The following ADAMTS12 variants were observed in gnomAD, a reference collection of about 807,000 sequenced individuals.
ADAMTS12 encodes the protein ADAM metallopeptidase with thrombospondin type 1 motif 12, also known as A disintegrin and metalloproteinase with thrombospondin motifs 12.
A neutral mutation model predicts 167.8 loss-of-function variants in ADAMTS12; 118 were observed. The observed-to-expected ratio is 0.70, with a 90% CI of 0.61 to 0.82. The LOEUF is 0.82. Among genes scored for constraint, ADAMTS12 ranks in the 40% least tolerant of loss-of-function variants. The pLI is 0.00. For missense variants in ADAMTS12, 1,916 were observed against 1,998.8 expected, an observed-to-expected ratio of 0.96 and a Z score of 0.79; for synonymous variants, 704 against 716.9, an observed-to-expected ratio of 0.98 and a Z score of 0.29.
chr5:33,731,612 G>A (rs1561240661), intron 3 of ADAMTS12, among the ~76,000 whole-genome samples: 1 of 152,200 alleles, frequency 6.6e-6, no homozygotes, highest in Non-Finnish European at 1.5e-5. Flanking sequence ...ATCAGGAAAG[G>A]CAGAAAGGAG....
chr5:33,556,033 G>GC (rs1745476083), intron 20 of ADAMTS12, among the ~76,000 whole-genome samples: 1 of 152,240 alleles, frequency 6.6e-6, no homozygotes, highest in Non-Finnish European at 1.5e-5. Context: ...CCAATAGCCA[G>GC]CCCTAACTTT....
At position 33,751,507 on chromosome 5, in the gene ADAMTS12, T is replaced by C; in HGVS notation, c.531A>G (p.Glu177=). The C allele has an allele frequency of 6.2e-7, 1 of 1,614,008 alleles. No homozygotes were observed. Among genetic ancestry groups the C allele is most frequent in the Non-Finnish European group, 8.5e-7 (1 of 1,179,988 alleles). ...FQLPHGDFFI[E]PVKKHPLVEG... is the part of the protein sequence containing the mutation. ...CAACCAGTGGATGCTTCTTCACGGG[T>C]TCAATGAAAAAGTCTCCATGTGGTA... The change falls in exon 3 of 24, where the codon GAA becomes GAG. Residue 177 remains glutamate (E), a synonymous_variant. Coordinates refer to ENST00000504830, the MANE Select transcript of ADAMTS12 (RefSeq NM_030955.4).
chr5:33,766,227 A>T (rs1745527427), intron 2 of ADAMTS12, among the ~76,000 whole-genome samples: 1 of 152,198 alleles, frequency 6.6e-6, no homozygotes, highest in African/African-American at 2.4e-5. Flanking sequence ...CACGTGATCA[A>T]GGTTAGCATC....
intron 14 of ADAMTS12, among the ~76,000 whole-genome samples, chr5:33,620,388 A>T (rs1739256231): frequency 6.6e-6 from 1 of 152,224 alleles, no homozygotes; most frequent in South Asian, 2.1e-4. Context: ...ATTGCAGGAG[A>T]TCACTTTTTA....
intron 22 of ADAMTS12, 90 bp downstream of exon 22, chr5:33,545,969 C>G: frequency 6.8e-7 from 1 of 1,471,188 alleles, no homozygotes; most frequent in Non-Finnish European, 9.1e-7. Flanking sequence ...ATGTAACAAA[C>G]CTGCACGTTG....
intron 2 of ADAMTS12, chr5:33,840,113 G>C (rs1301748777): frequency 6.6e-6 from 1 of 152,166 alleles, no homozygotes; most frequent in Admixed American, 6.5e-5. Flanking sequence ...CTCCATGAAG[G>C]AAGAAGTGCC....
chr5:33,710,416 G>A (rs1016992468), intron 3 of ADAMTS12, among the ~76,000 whole-genome samples: 2 of 152,106 alleles, frequency 1.3e-5, no homozygotes, highest in South Asian at 2.1e-4. Context: ...GGAACTAATC[G>A]TAACACATTT....
At chr5:33,748,342 GA>G (rs2112385381) in intron 3 of ADAMTS12, among the ~76,000 whole-genome samples, 1 of 152,300 alleles carries the variant, frequency 6.6e-6, no homozygotes, top group South Asian at 2.1e-4. Context: ...ATAGATTCTA[GA>G]AAGTCGATCT....
At chr5:33,532,591 A>G (rs751979575) in intron 23 of ADAMTS12, among the ~76,000 whole-genome samples, 2 of 152,144 alleles carry the variant, frequency 1.3e-5, no homozygotes, top group Non-Finnish European at 2.9e-5. Flanking sequence ...TTTTTAATCA[A>G]TAAGAATGTA....
intron 2 of ADAMTS12, among the ~76,000 whole-genome samples, chr5:33,797,794 G>A (rs2112467573): frequency 6.6e-6 from 1 of 152,146 alleles, no homozygotes; most frequent in Non-Finnish European, 1.5e-5. Context: ...AGCTATTATG[G>A]AACCTGAATG....
intron 2 of ADAMTS12, among the ~76,000 whole-genome samples, chr5:33,827,741 A>C (rs972424898): frequency 2.0e-5 from 3 of 151,548 alleles, no homozygotes; most frequent in African/African-American, 4.9e-5. Context: ...ATAGATAGAT[A>C]GATAGATAGA....
chr5:33,722,866 C>G (rs1422292749), intron 3 of ADAMTS12, among the ~76,000 whole-genome samples: 3 of 152,154 alleles, frequency 2.0e-5, no homozygotes, highest in African/African-American at 7.2e-5. Context: ...ATTGGAGCAG[C>G]AAACTGGCCT....
At chr5:33,582,715 C>G (rs761537131) in intron 18 of ADAMTS12, among the ~76,000 whole-genome samples, 3 of 152,194 alleles carry the variant, frequency 2.0e-5, no homozygotes, top group Non-Finnish European at 2.9e-5. Flanking sequence ...TTCCTAGACT[C>G]TGTGTGTGTC....
At chr5:33,652,067 G>A (rs1413737775) in intron 7 of ADAMTS12, among the ~76,000 whole-genome samples, 2 of 152,082 alleles carry the variant, frequency 1.3e-5, no homozygotes, top group East Asian at 3.9e-4. Flanking sequence ...TTGCCATTGT[G>A]AATAGTGCTG....
chr5:33,583,792 T>C (rs535484127), intron 18 of ADAMTS12, among the ~76,000 whole-genome samples: 1 of 152,354 alleles, frequency 6.6e-6, no homozygotes, highest in South Asian at 2.1e-4. Flanking sequence ...GTATGCCTTC[T>C]TTTGAGAAAT....
intron 3 of ADAMTS12, among the ~76,000 whole-genome samples, chr5:33,723,448 T>G (rs1039809995): frequency 6.6e-6 from 1 of 152,170 alleles, no homozygotes; most frequent in Non-Finnish European, 1.5e-5. Flanking sequence ...ATAGATCTCT[T>G]CCATCCCATA....
chr5:33,760,239 CTTAG>C (rs1486038229), intron 2 of ADAMTS12, among the ~76,000 whole-genome samples: 1 of 152,066 alleles, frequency 6.6e-6, no homozygotes, highest in Non-Finnish European at 1.5e-5. Flanking sequence ...CCAATTAACA[CTTAG>C]TTAACCTTCA....
intron 18 of ADAMTS12, among the ~76,000 whole-genome samples, chr5:33,586,545 A>G (rs1747361805): frequency 6.6e-6 from 1 of 152,240 alleles, no homozygotes; most frequent in African/African-American, 2.4e-5. Context: ...TCCAGTTAAG[A>G]CAGGTTACTA....
At chr5:33,745,890 A>G (rs1006638544) in intron 3 of ADAMTS12, among the ~76,000 whole-genome samples, 15 of 152,184 alleles carry the variant, frequency 9.9e-5, no homozygotes, top group African/African-American at 3.1e-4. Flanking sequence ...ACATTCATGC[A>G]TTAAGCATTT....
Sources: allele counts gnomAD v4.1 joint callset (sites outside exome capture counted in the v4.1 genomes callset), GRCh38; gene constraint gnomAD v4.1.1; transcripts MANE v1.5; gene names NCBI Gene and HGNC (gene_info 2026-07-23, HGNC 2026-07-21).